The following CDK14 variants were observed in gnomAD, a reference collection of about 807,000 sequenced individuals.
The protein encoded by CDK14 is cyclin-dependent kinase 14.
In CDK14, 34 loss-of-function variants were observed where a neutral mutation model predicts 60.7. That is an observed-to-expected ratio of 0.56 (90% confidence interval 0.43 to 0.75). The LOEUF (loss-of-function observed/expected upper bound fraction) is 0.75, where lower values mean the gene tolerates loss of function less well. Among genes scored for constraint, CDK14 ranks in the 30% least tolerant of loss-of-function variants. The probability of loss-of-function intolerance (pLI) is 0.00; values close to 1 mark genes in which losing one functional copy is unlikely to be tolerated. For synonymous variants in CDK14, 197 were observed against 203.7 expected, an observed-to-expected ratio of 0.97 and a Z score of 0.28; for missense variants, 482 against 564.1, an observed-to-expected ratio of 0.85 and a Z score of 1.47.
At chr7:90,681,722 C>A (rs1249914896) in intron 2 of CDK14, among the ~76,000 whole-genome samples, 1 of 152,098 alleles carries the variant, frequency 6.6e-6, no homozygotes, top group Non-Finnish European at 1.5e-5. Context: ...GTAGGAGAGA[C>A]AACTCTATAT....
At chr7:91,052,226 G>A (rs1797412775) in intron 11 of CDK14, among the ~76,000 whole-genome samples, 1 of 152,172 alleles carries the variant, frequency 6.6e-6, no homozygotes, top group South Asian at 2.1e-4. Flanking sequence ...GTGAAGTTAG[G>A]AACCTGAGGT....
intron 14 of CDK14, among the ~76,000 whole-genome samples, chr7:91,162,524 A>T (rs932047616): frequency 7.9e-5 from 12 of 152,124 alleles, no homozygotes; most frequent in African/African-American, 2.9e-4. Context: ...GAGGGAGAGG[A>T]GCCAGGCCCC....
intron 5 of CDK14, among the ~76,000 whole-genome samples, chr7:90,831,383 T>G (rs1299745615): frequency 6.6e-6 from 1 of 152,106 alleles, no homozygotes; most frequent in Admixed American, 6.5e-5. Flanking sequence ...GAACTCACCA[T>G]TATGAGAGCA....
chr7:90,923,438 T>A (rs1793315513), intron 8 of CDK14, among the ~76,000 whole-genome samples: 1 of 152,174 alleles, frequency 6.6e-6, no homozygotes. Context: ...CATATAGTTT[T>A]TTTAAGCTGT....
chr7:90,758,995 G>A (rs1804200498), intron 4 of CDK14, among the ~76,000 whole-genome samples: 1 of 151,122 alleles, frequency 6.6e-6, no homozygotes, highest in African/African-American at 2.4e-5. Flanking sequence ...GGCAGAGGTT[G>A]CAGTGAGTCG....
chr7:91,186,703 G>A (rs141752630), intron 14 of CDK14, among the ~76,000 whole-genome samples: 12 of 152,168 alleles, frequency 7.9e-5, no homozygotes, highest in Middle Eastern at 3.4e-3. Flanking sequence ...CTCTTTCAGC[G>A]ATCACATGGA....
chr7:90,742,696 A>G (rs959223851), intron 3 of CDK14, among the ~76,000 whole-genome samples: 12 of 151,726 alleles, frequency 7.9e-5, no homozygotes, highest in Non-Finnish European at 5.9e-5. Flanking sequence ...ATTTTCTTTT[A>G]TGTATTGGTT....
chr7:90,972,832 C>T (rs923002897), intron 9 of CDK14, among the ~76,000 whole-genome samples: 7 of 152,182 alleles, frequency 4.6e-5, no homozygotes, highest in African/African-American at 9.7e-5. Flanking sequence ...TTTACATTAT[C>T]GCCCCTCAGT....
At chr7:90,598,109 G>A (rs1799234223) in intron 1 of CDK14, among the ~76,000 whole-genome samples, 1 of 152,192 alleles carries the variant, frequency 6.6e-6, no homozygotes, top group Non-Finnish European at 1.5e-5. Context: ...CGTCGCAGAG[G>A]CGGGTTCTGG....
chr7:91,004,358 T>C (rs1291012084), intron 10 of CDK14, among the ~76,000 whole-genome samples: 1 of 152,226 alleles, frequency 6.6e-6, no homozygotes, highest in African/African-American at 2.4e-5. Context: ...TATATGCTAA[T>C]AAAGTTGATA....
At chr7:90,686,571 ATTATC>A (rs1365829064) in intron 2 of CDK14, among the ~76,000 whole-genome samples, 1 of 152,194 alleles carries the variant, frequency 6.6e-6, no homozygotes, top group East Asian at 1.9e-4. Context: ...GAAGGACACT[ATTATC>A]TTAGTAAAAG....
intron 8 of CDK14, among the ~76,000 whole-genome samples, chr7:90,954,212 C>T (rs933372044): frequency 6.6e-6 from 1 of 152,048 alleles, no homozygotes; most frequent in Non-Finnish European, 1.5e-5. Flanking sequence ...GTCTTACCAG[C>T]TGTCTTATTA....
intron 2 of CDK14, among the ~76,000 whole-genome samples, chr7:90,651,336 C>T (rs1438932674): frequency 1.3e-5 from 2 of 152,078 alleles, no homozygotes; most frequent in East Asian, 1.9e-4. Context: ...CTGTGTGCCC[C>T]ACCCCCCATT....
At chr7:90,714,368 G>A (rs778769091) in intron 2 of CDK14, among the ~76,000 whole-genome samples, 1 of 152,010 alleles carries the variant, frequency 6.6e-6, no homozygotes. Context: ...CAGGATGTGT[G>A]TATCCCACTG....
chr7:90,657,264 A>G (rs1305816033), intron 2 of CDK14, among the ~76,000 whole-genome samples: 3 of 152,202 alleles, frequency 2.0e-5, no homozygotes, highest in Non-Finnish European at 2.9e-5. Context: ...TGTGATAAGG[A>G]CTTTGAATAC....
rs75280630 is a variant in CDK14, at chr7:91,134,044, C to T, written c.*28+15836C>T. On this transcript the variant is annotated intron_variant, in intron 14 of 14. Transcript: ENST00000380050. ...AAAAGAGGAGCTAAAGGAGTCCTGT[C>T]GGCATAAGAATTTGGGACTCCGGAT... Among the ~76,000 whole-genome samples, 48 of 152,266 alleles carry T rather than the reference C, an allele frequency of 3.2e-4. No homozygotes were observed. The East Asian group carries it at 6.8e-3, about 21-fold the overall frequency.
At chr7:91,016,360 T>G (rs1047589166) in intron 10 of CDK14, among the ~76,000 whole-genome samples, 2 of 151,820 alleles carry the variant, frequency 1.3e-5, no homozygotes, top group Non-Finnish European at 2.9e-5. Context: ...CTGAATTTTG[T>G]ATTCCTCAAT....
chr7:90,972,521 G>A (rs1343226683), intron 9 of CDK14, among the ~76,000 whole-genome samples: 2 of 152,172 alleles, frequency 1.3e-5, no homozygotes, highest in Non-Finnish European at 2.9e-5. Context: ...CATTCCTTCA[G>A]AGAAGAGTAA....
intron 10 of CDK14, among the ~76,000 whole-genome samples, chr7:91,030,069 T>C (rs1360416088): frequency 6.6e-6 from 1 of 152,142 alleles, no homozygotes; most frequent in Non-Finnish European, 1.5e-5. Flanking sequence ...TAGGCAAAAA[T>C]AAGCTCTCAA....
Sources: gnomAD v4.1 joint callset for allele counts (sites outside exome capture counted in the v4.1 genomes callset) on GRCh38, gnomAD v4.1.1 for gene constraint, MANE v1.5 for transcripts, NCBI Gene and HGNC (gene_info 2026-07-23, HGNC 2026-07-21) for gene names.